The following SDK1 variants were observed in gnomAD, a reference collection of about 807,000 sequenced individuals.
SDK1 encodes sidekick cell adhesion molecule 1, also known as protein sidekick-1.
In SDK1, 157 loss-of-function variants were observed where a neutral mutation model predicts 245.5. The observed-to-expected ratio is 0.64, with a 90% CI of 0.56 to 0.73. SDK1 has a LOEUF of 0.73. SDK1 is among the 30% of genes least tolerant of loss of function. The probability of loss-of-function intolerance (pLI) is 0.00; values close to 1 mark genes in which losing one functional copy is unlikely to be tolerated. For synonymous variants in SDK1, 1,647 were observed against 1,278.5 expected, an observed-to-expected ratio of 1.29 and a Z score of -6.15; for missense variants, 3,583 against 3,002.3, an observed-to-expected ratio of 1.19 and a Z score of -4.52.
At chr7:3,984,020 G>C (rs1425406915) in intron 13 of SDK1, among the ~76,000 whole-genome samples, 1 of 152,144 alleles carries the variant, frequency 6.6e-6, no homozygotes, top group East Asian at 1.9e-4. Context: ...TTAAGTATTT[G>C]TTTTTAATCT....
chr7:3,987,146 G>C (rs372184907), intron 13 of SDK1, 40 bp from the exon 14 acceptor site: 29 of 1,610,468 alleles, frequency 1.8e-5, no homozygotes, highest in African/African-American at 1.2e-4. Flanking sequence ...ATTCTGACAT[G>C]TGTTTTCCTC....
intron 4 of SDK1, among the ~76,000 whole-genome samples, chr7:3,693,756 A>T (rs977997948): frequency 6.6e-6 from 1 of 152,170 alleles, no homozygotes; most frequent in African/African-American, 2.4e-5. Flanking sequence ...ATCTATTGTT[A>T]TAGCCTCTAG....
intron 1 of SDK1, among the ~76,000 whole-genome samples, chr7:3,608,390 G>C (rs2128641174): frequency 6.6e-6 from 1 of 152,238 alleles, no homozygotes; most frequent in South Asian, 2.1e-4. Context: ...GTGACTGACA[G>C]AAAAACTATG....
chr7:3,659,778 C>T (rs539348896), intron 4 of SDK1, among the ~76,000 whole-genome samples: 17 of 152,270 alleles, frequency 1.1e-4, no homozygotes, highest in South Asian at 8.3e-4. Context: ...GCAAATGCCC[C>T]GGCAAGGGGG....
chr7:3,576,960 G>C (rs1216168814), intron 1 of SDK1, among the ~76,000 whole-genome samples: 2 of 151,962 alleles, frequency 1.3e-5, no homozygotes, highest in Non-Finnish European at 1.5e-5. Flanking sequence ...CTTTTGATGT[G>C]TATCCTTTTG....
chr7:4,065,864 G>A (rs1357318670), intron 19 of SDK1, among the ~76,000 whole-genome samples: 4 of 151,840 alleles, frequency 2.6e-5, no homozygotes, highest in African/African-American at 9.7e-5. Flanking sequence ...ACCAGAACAG[G>A]GACTTTGCAG....
chr7:4,225,909 C>G (rs961192953), intron 40 of SDK1, among the ~76,000 whole-genome samples: 1 of 151,818 alleles, frequency 6.6e-6, no homozygotes, highest in Non-Finnish European at 1.5e-5. Context: ...CCAACGATCT[C>G]CCCTTTCGGA....
rs141383900 is a variant in SDK1, at chr7:3,542,675, G to A, written c.299-76405G>A. Among the ~76,000 whole-genome samples the A allele has an allele frequency of 2.5e-3, 383 of 152,032 alleles. 4 individuals carry two copies. The highest frequency in any genetic ancestry group is 9.0e-3 in the African/African-American group (374 of 41,486). On this transcript the variant is annotated intron_variant, in intron 1 of 44. Coordinates refer to ENST00000404826, the MANE Select transcript of SDK1 (RefSeq NM_152744.4). ...TTTAATATCTTTACAATAACTATTG[G>A]CTATGCCTTACAGTACTATTGTCTC...
intron 1 of SDK1, among the ~76,000 whole-genome samples, chr7:3,351,016 T>G (rs575621592): frequency 6.6e-6 from 1 of 152,288 alleles, no homozygotes; most frequent in Admixed American, 6.5e-5. Flanking sequence ...CATACATAAA[T>G]AGATATCTAT....
In SDK1 at chr7:4,012,549, CTTTTTTTTTTTTTTTTTTTT is replaced by C. The variant is rs777199429; in HGVS notation, c.2420+338_2420+357del. 9.5e-3 allele frequency among the ~76,000 whole-genome samples: 246 copies of C among 25,966 alleles called. 6 individuals are homozygous for C. Among genetic ancestry groups the C allele is most frequent in the Middle Eastern group, 0.042 (1 of 24 alleles). 17.0% of individuals were successfully genotyped at this position (25,966 alleles called of 152,430 possible). On this transcript the variant is annotated intron_variant, in intron 16 of 44. Transcript: ENST00000404826. ...GCAAGGTATATTGTTCAATGTGAAG[CTTTTTTTTTTTTTTTTTTTT>C]TTTTTTTTTTTTTTTTTTTTTTTGA... is the stretch of plus-strand genomic sequence containing the variant.
chr7:3,786,823 A>G (rs955094200), intron 4 of SDK1, among the ~76,000 whole-genome samples: 2 of 152,150 alleles, frequency 1.3e-5, no homozygotes, highest in Non-Finnish European at 2.9e-5. Context: ...CCTCGGTAGT[A>G]CTACTGTACA....
At chr7:3,581,661 A>T (rs558201268) in intron 1 of SDK1, among the ~76,000 whole-genome samples, 2 of 152,222 alleles carry the variant, frequency 1.3e-5, no homozygotes, top group Non-Finnish European at 2.9e-5. Flanking sequence ...TACCCAAAGG[A>T]ATGTAAATCG....
intron 2 of SDK1, among the ~76,000 whole-genome samples, chr7:3,621,534 C>G (rs1562608938): frequency 2.0e-5 from 3 of 152,206 alleles, no homozygotes; most frequent in African/African-American, 7.2e-5. Context: ...GGTGGCCAGG[C>G]TACACGCCTT....
intron 5 of SDK1, among the ~76,000 whole-genome samples, chr7:3,855,564 T>TA (rs1008868406): frequency 2.6e-5 from 4 of 151,924 alleles, no homozygotes; most frequent in African/African-American, 4.8e-5. Context: ...ATAATGTATG[T>TA]AAAAAAAAGT....
intron 40 of SDK1, among the ~76,000 whole-genome samples, chr7:4,232,147 A>G (rs1785816810): frequency 6.7e-6 from 1 of 149,300 alleles, no homozygotes; most frequent in Admixed American, 6.8e-5. Context: ...TAAGCACTTT[A>G]TAAATATTAA....
At chr7:3,895,858 GTGT>G (rs1416110615) in intron 5 of SDK1, among the ~76,000 whole-genome samples, 1 of 152,054 alleles carries the variant, frequency 6.6e-6, no homozygotes, top group Non-Finnish European at 1.5e-5. Flanking sequence ...ATTTATAAGT[GTGT>G]TGTTAAGTTC....
At chr7:3,309,866 G>A (rs146223118) in intron 1 of SDK1, among the ~76,000 whole-genome samples, 11 of 152,164 alleles carry the variant, frequency 7.2e-5, no homozygotes, top group Admixed American at 1.3e-4. Context: ...TTTTCTAAGC[G>A]TGCTGTCTTG....
chr7:3,411,003 C>A (rs1180964290), intron 1 of SDK1, among the ~76,000 whole-genome samples: 1 of 152,136 alleles, frequency 6.6e-6, no homozygotes, highest in Non-Finnish European at 1.5e-5. Context: ...CACAAGGAAG[C>A]TGTTTTGCTT....
At chr7:4,135,805 T>C (rs1779046878) in intron 28 of SDK1, among the ~76,000 whole-genome samples, 1 of 152,176 alleles carries the variant, frequency 6.6e-6, no homozygotes, top group Non-Finnish European at 1.5e-5. Flanking sequence ...TATTTCATCG[T>C]TTCCCTGGCA....
Sources: allele counts gnomAD v4.1 joint callset (sites outside exome capture counted in the v4.1 genomes callset), GRCh38; gene constraint gnomAD v4.1.1; transcripts MANE v1.5; gene names NCBI Gene and HGNC (gene_info 2026-07-23, HGNC 2026-07-21).